The following ESYT2 variants were observed in gnomAD, a reference collection of about 807,000 sequenced individuals.
The protein encoded by ESYT2 is extended synaptotagmin-2.
Under a neutral mutation model 107.2 loss-of-function variants are expected in ESYT2, and 54 were observed. The observed-to-expected ratio is 0.50, with a 90% confidence interval of 0.40 to 0.63. The LOEUF (loss-of-function observed/expected upper bound fraction) is 0.63. Ranked by LOEUF, ESYT2 falls within the 30% of genes least tolerant of loss-of-function variation. The pLI is 0.00. For synonymous variants in ESYT2, 491 were observed against 434.1 expected (o/e 1.13, Z -1.63); for missense variants, 1,020 against 1,094.5 (o/e 0.93, Z 0.96).
At position 158,798,023 on chromosome 7, in the gene ESYT2, T is replaced by C. The variant is rs146888716; in HGVS notation, c.426A>G (p.Arg142=). The C allele has an allele frequency of 3.9e-5, 63 of 1,614,030 alleles. No homozygotes were observed. In the African/African-American group the frequency reaches 7.9e-4, roughly 20 times the overall value. ...CCCGCACGGCTGGTTCTATAGTTTC[T>C]CGAAACAACTTCTCTATAAATTGGC... The part of the protein sequence containing the change: ...FICQFIEKLF[R]ETIEPAVRGA... The change falls in exon 3 of 23, where the codon CGA becomes CGG. Residue 142 remains arginine (R), a synonymous_variant. Transcript: ENST00000275418.
intron 7 of ESYT2, among the ~76,000 whole-genome samples, chr7:158,771,788 C>T (rs1266806732): frequency 6.6e-6 from 1 of 152,144 alleles, no homozygotes; most frequent in Admixed American, 6.6e-5. Context: ...GCAGTGGGCG[C>T]CCATTGTTGG....
At chr7:158,812,994 G>C (rs1045296783) in intron 1 of ESYT2, among the ~76,000 whole-genome samples, 1 of 152,144 alleles carries the variant, frequency 6.6e-6, no homozygotes, top group Non-Finnish European at 1.5e-5. Flanking sequence ...AAATGTTTTG[G>C]AACCAGAGAG....
At chr7:158,791,427 T>C (rs1179453844) in intron 4 of ESYT2, among the ~76,000 whole-genome samples, 5 of 152,240 alleles carry the variant, frequency 3.3e-5, no homozygotes, top group Non-Finnish European at 7.3e-5. Context: ...CTTTCAATTC[T>C]TTCGGGTATG....
At chr7:158,825,786 C>T (rs1840422370) in intron 1 of ESYT2, among the ~76,000 whole-genome samples, 1 of 152,172 alleles carries the variant, frequency 6.6e-6, no homozygotes, top group African/African-American at 2.4e-5. Context: ...ACTATGAAAA[C>T]AAGTACAGCC....
intron 8 of ESYT2, among the ~76,000 whole-genome samples, chr7:158,766,262 C>A (rs1195334048): frequency 6.6e-6 from 1 of 152,176 alleles, no homozygotes; most frequent in Non-Finnish European, 1.5e-5. Flanking sequence ...AAACTCGAAG[C>A]AGCTCTTGTT....
At chr7:158,743,296 G>A (rs919206817) in intron 17 of ESYT2, among the ~76,000 whole-genome samples, 7 of 152,158 alleles carry the variant, frequency 4.6e-5, no homozygotes, top group Non-Finnish European at 1.0e-4. Context: ...GCCTGCTCGG[G>A]CAACCTGGAA....
chr7:158,741,237 G>A (rs928622562), intron 18 of ESYT2, among the ~76,000 whole-genome samples: 20 of 152,202 alleles, frequency 1.3e-4, no homozygotes, highest in African/African-American at 2.7e-4. Context: ...ACACAGCAGC[G>A]TCCCGGCGCT....
chr7:158,800,657 T>C (rs1205398423), intron 1 of ESYT2, among the ~76,000 whole-genome samples: 2 of 152,206 alleles, frequency 1.3e-5, no homozygotes, highest in Non-Finnish European at 2.9e-5. Flanking sequence ...CCCCCTGTGT[T>C]GGAATTACAA....
rs558512643 is a variant in ESYT2, at chr7:158,732,069, TTTAA to T, written c.*2134_*2137del. 147 of 152,388 alleles carry T rather than the reference TTTAA, an allele frequency of 9.6e-4. No individual in the cohort carries two copies. The highest frequency in any genetic ancestry group is 3.4e-3 in the African/African-American group (143 of 41,576). The allele number at this position is 152,388 out of a possible 1,614,324, so 9.4% of individuals were successfully genotyped here. On this transcript the variant is annotated 3_prime_UTR_variant, in exon 23 of 23. Coordinates refer to ENST00000275418, the MANE Select transcript of ESYT2 (RefSeq NM_001367773.1). ...TACCACTTCCTCTGGGCTTTGTACC[TTTAA>T]TTGTGTCTACTCTGCCTAAGTGCTT...
chr7:158,750,826 G>C (rs2129471699), intron 14 of ESYT2, among the ~76,000 whole-genome samples: 1 of 152,258 alleles, frequency 6.6e-6, no homozygotes, highest in South Asian at 2.1e-4. Flanking sequence ...GTCAGGCATG[G>C]CCAAGTAACT....
At chr7:158,815,983 C>G (rs573749371) in intron 1 of ESYT2, among the ~76,000 whole-genome samples, 15 of 152,248 alleles carry the variant, frequency 9.9e-5, no homozygotes, top group African/African-American at 3.6e-4. Context: ...AGTAACAGCC[C>G]TCAAAAGATG....
At chr7:158,823,357 G>A (rs1210492320) in intron 1 of ESYT2, among the ~76,000 whole-genome samples, 1 of 146,152 alleles carries the variant, frequency 6.8e-6, no homozygotes, top group African/African-American at 2.5e-5. Context: ...GACGGACTGT[G>A]GCTCTGTCGC....
chr7:158,798,345 A>C (rs761477048), intron 2 of ESYT2, among the ~76,000 whole-genome samples: 10 of 152,210 alleles, frequency 6.6e-5, no homozygotes, highest in Non-Finnish European at 1.3e-4. Flanking sequence ...TGTGGTTTCA[A>C]CTTGGTGCTG....
chr7:158,785,150 C>T (rs778835658), intron 6 of ESYT2, among the ~76,000 whole-genome samples: 10 of 152,070 alleles, frequency 6.6e-5, no homozygotes, highest in Admixed American at 2.0e-4. Flanking sequence ...TGGCCGGGCA[C>T]GGTGGCTCAC....
chr7:158,810,930 AAC>A (rs1228045291), intron 1 of ESYT2, among the ~76,000 whole-genome samples: 1 of 151,854 alleles, frequency 6.6e-6, no homozygotes, highest in Admixed American at 6.6e-5. Flanking sequence ...TATACTGAAA[AAC>A]AGTTAATTGT....
At position 158,775,722 on chromosome 7, in the gene ESYT2, A is replaced by G. The variant is rs930155541; in HGVS notation, c.748-2326T>C. ...CTGAAGTCTTAAACCCCTCAAAGTCATCCATGAGAGTTGGAATCAACTTTT... is the reference window on the plus strand; with the variant it reads ...CTGAAGTCTTAAACCCCTCAAAGTCGTCCATGAGAGTTGGAATCAACTTTT... On this transcript the variant is annotated intron_variant, in intron 6 of 22. Transcript: ENST00000275418. Among the ~76,000 whole-genome samples the G allele has an allele frequency of 4.6e-5, 7 of 152,246 alleles. No individual in the cohort carries two copies. In the East Asian group the frequency reaches 1.3e-3, roughly 29 times the overall value.
chr7:158,786,902 T>G (rs1839133388), intron 6 of ESYT2, among the ~76,000 whole-genome samples: 1 of 152,246 alleles, frequency 6.6e-6, no homozygotes, highest in East Asian at 1.9e-4. Context: ...GAGCTAACAA[T>G]AACTGTGCAG....
chr7:158,782,736 A>C (rs1323034103), intron 6 of ESYT2, among the ~76,000 whole-genome samples: 1 of 152,066 alleles, frequency 6.6e-6, no homozygotes, highest in Non-Finnish European at 1.5e-5. Flanking sequence ...ATGAGTATGG[A>C]AGCTCAAGCA....
intron 13 of ESYT2, 92 bp from the exon 14 acceptor site, chr7:158,752,935 T>A (rs2129471788): frequency 1.2e-6 from 1 of 827,604 alleles, no homozygotes; most frequent in South Asian, 1.6e-5. Context: ...TTTATGGGAA[T>A]AAACAAACAA....
Sources: allele counts gnomAD v4.1 joint callset (sites outside exome capture counted in the v4.1 genomes callset), GRCh38; gene constraint gnomAD v4.1.1; transcripts MANE v1.5; gene names NCBI Gene and HGNC (gene_info 2026-07-23, HGNC 2026-07-21).